SMURF2: variants seen among roughly 807,000 people sequenced by gnomAD.
SMURF2 encodes E3 ubiquitin-protein ligase SMURF2.
In SMURF2, 48 loss-of-function variants were observed where a neutral mutation model predicts 109.6. The ratio of observed to expected loss-of-function variants is 0.44; its 90% CI spans 0.35 to 0.56. SMURF2 has a LOEUF of 0.56. SMURF2 is among the 20% of genes least tolerant of loss of function. The probability of loss-of-function intolerance (pLI) is 0.01; values close to 1 mark genes in which losing one functional copy is unlikely to be tolerated. For synonymous variants in SMURF2, 288 were observed against 317.1 expected (o/e 0.91, Z 0.97); for missense variants, 575 against 909.0 (o/e 0.63, Z 4.72).
At position 64,580,949 on chromosome 17, in the gene SMURF2, G is replaced by A. The variant is rs782309391; in HGVS notation, c.612C>T (p.Cys204=). Residue 204 remains cysteine (C), a synonymous_variant, in exon 8 of 19, where the codon TGC becomes TGT. Coordinates refer to ENST00000262435, the MANE Select transcript of SMURF2 (RefSeq NM_022739.4). ...TAATTGGAGTGTTCTCATCAACAAA[G>A]CAGCTAAGAGGTCTGCCAGGGCTAG... The part of the protein sequence containing the change: ...EYSSPGRPLS[C]FVDENTPISG... 1.9e-6 allele frequency: 3 copies of A among 1,614,098 alleles called. No individual in the cohort carries two copies. The highest frequency in any genetic ancestry group is 1.7e-5 in the Admixed American group (1 of 60,018).
At chr17:64,651,888 C>A (rs1321011787) in intron 1 of SMURF2, among the ~76,000 whole-genome samples, 31 of 152,330 alleles carry the variant, frequency 2.0e-4, no homozygotes, top group African/African-American at 7.2e-4. Flanking sequence ...CACTGCACTG[C>A]AGCCTGGGTG....
intron 1 of SMURF2, chr17:64,660,665 G>A (rs529763332): frequency 2.6e-5 from 4 of 152,262 alleles, no homozygotes; most frequent in African/African-American, 7.2e-5. Context: ...AGTCTAGTGT[G>A]GGCAAACATA....
chr17:64,661,239 GAA>G (rs200383417), intron 1 of SMURF2, among the ~76,000 whole-genome samples: 49 of 152,128 alleles, frequency 3.2e-4, no homozygotes, highest in South Asian at 4.2e-4. Flanking sequence ...AGGCACACCG[GAA>G]AAGTCAACCT....
At chr17:64,614,329 T>C (rs553530799) in intron 1 of SMURF2, among the ~76,000 whole-genome samples, 4 of 152,340 alleles carry the variant, frequency 2.6e-5, no homozygotes, top group African/African-American at 9.6e-5. Context: ...CAAAACATTA[T>C]ACTGGACTAC....
At position 64,566,576 on chromosome 17, in the gene SMURF2, T is replaced by TTTTTTTTTG. The variant is rs1231539627; in HGVS notation, c.1017-3611_1017-3610insCAAAAAAAA. The stretch of plus-strand genomic sequence containing the variant: ...AAGCTTTCTGGTTTTTTTTTTTTTT[T>TTTTTTTTTG]TTTTTTTTTTTTTTTGAGACAGTCT... On this transcript the variant is annotated intron_variant, in intron 10 of 18. Coordinates refer to ENST00000262435, the MANE Select transcript of SMURF2 (RefSeq NM_022739.4). Among the ~76,000 whole-genome samples the TTTTTTTTTG allele has an allele frequency of 1.6e-3, 167 of 105,494 alleles. 15 individuals are homozygous for TTTTTTTTTG. The highest frequency in any genetic ancestry group is 5.3e-3 in the African/African-American group (156 of 29,370). The allele number at this position is 105,494 out of a possible 152,430, so 69.2% of individuals were successfully genotyped here.
At chr17:64,594,192 G>A (rs1292141002) in intron 3 of SMURF2, 2 of 152,162 alleles carry the variant, frequency 1.3e-5, no homozygotes, top group African/African-American at 4.8e-5. Flanking sequence ...ACAGCCAATT[G>A]TTAACATGGC....
At chr17:64,564,851 C>T (rs1477155756) in intron 10 of SMURF2, among the ~76,000 whole-genome samples, 1 of 152,170 alleles carries the variant, frequency 6.6e-6, no homozygotes, top group African/African-American at 2.4e-5. Context: ...TGTTTTAAGC[C>T]ATCCAGTTCG....
intron 10 of SMURF2, among the ~76,000 whole-genome samples, chr17:64,569,327 G>A (rs1209850965): frequency 2.0e-5 from 3 of 150,966 alleles, no homozygotes; most frequent in Admixed American, 1.3e-4. Context: ...ATACACAAAA[G>A]TAAAGTCCAC....
intron 9 of SMURF2, among the ~76,000 whole-genome samples, chr17:64,574,005 A>G (rs1969453754): frequency 6.6e-6 from 1 of 152,212 alleles, no homozygotes; most frequent in African/African-American, 2.4e-5. Context: ...AAGGGAGAGG[A>G]TCAGCAAAAA....
intron 1 of SMURF2, among the ~76,000 whole-genome samples, chr17:64,659,199 T>C (rs1970742620): frequency 6.6e-6 from 1 of 152,098 alleles, no homozygotes; most frequent in South Asian, 2.1e-4. Context: ...ATGTAAGAAA[T>C]GTTTATACCT....
At chr17:64,570,074 A>G (rs1204108862) in intron 10 of SMURF2, among the ~76,000 whole-genome samples, 3 of 152,254 alleles carry the variant, frequency 2.0e-5, no homozygotes, top group Non-Finnish European at 4.4e-5. Flanking sequence ...ATAATTATAC[A>G]TATTTCGAAG....
intron 1 of SMURF2, among the ~76,000 whole-genome samples, chr17:64,626,251 A>G (rs570503462): frequency 6.8e-6 from 1 of 146,080 alleles, no homozygotes; most frequent in South Asian, 2.2e-4. Context: ...AGAGTGAGAC[A>G]CGGTCTCAAA....
chr17:64,566,569 T>TG (rs2144613179), intron 10 of SMURF2, among the ~76,000 whole-genome samples: 1 of 80,000 alleles, frequency 1.3e-5, no homozygotes, highest in African/African-American at 4.2e-5. Context: ...TGGTTTTTTT[T>TG]TTTTTTTTTT....
Position 64,555,801 on chromosome 17 carries a change from T to C in SMURF2, c.1610+19A>G, listed in dbSNP as rs201183570. On this transcript the variant is annotated intron_variant, in intron 14 of 18. Coordinates refer to ENST00000262435, the MANE Select transcript of SMURF2 (RefSeq NM_022739.4). ...AAGCTCAGAGTTTATAATGAAGAGA[T>C]AGAAGACTCAATACATACAGTATCC... The C allele has an allele frequency of 3.5e-5, 53 of 1,526,912 alleles. No homozygotes were observed. The highest frequency in any genetic ancestry group is 4.5e-5 in the Non-Finnish European group (51 of 1,122,746). The allele number at this position is 1,526,912 out of a possible 1,614,324, so 94.6% of individuals were successfully genotyped here.
chr17:64,577,858 G>C (rs1969517687), intron 9 of SMURF2, among the ~76,000 whole-genome samples: 1 of 151,600 alleles, frequency 6.6e-6, no homozygotes, highest in African/African-American at 2.4e-5. Context: ...GCCTCCCAAA[G>C]TGTTGGGAAT....
At chr17:64,599,310 T>A (rs1265264002) in intron 2 of SMURF2, among the ~76,000 whole-genome samples, 1 of 152,226 alleles carries the variant, frequency 6.6e-6, no homozygotes, top group Non-Finnish European at 1.5e-5. Context: ...AACCCATGTC[T>A]GGCTCTCGAC....
At chr17:64,583,143 T>C (rs1227142121) in intron 7 of SMURF2, among the ~76,000 whole-genome samples, 4 of 152,068 alleles carry the variant, frequency 2.6e-5, no homozygotes, top group Non-Finnish European at 1.5e-5. Context: ...CCACATGCCT[T>C]GGCCTCCCAA....
Position 64,563,215 on chromosome 17 carries a change from AG to A in SMURF2, c.1017-250del, listed in dbSNP as rs1345499443. On this transcript the variant is annotated intron_variant, in intron 10 of 18. Coordinates refer to ENST00000262435, the MANE Select transcript of SMURF2 (RefSeq NM_022739.4). ...TCCATAAAGCTTTATACAGCTTCTG[AG>A]GACAAATTTTTCCAATATAGCTTCC... is the stretch of plus-strand genomic sequence containing the variant. 6.5e-5 allele frequency: 19 copies of A among 291,268 alleles called. No homozygotes were observed. In the Admixed American group the frequency reaches 6.5e-4, roughly 10 times the overall value. The allele number at this position is 291,268 out of a possible 1,614,324, so 18.0% of individuals were successfully genotyped here.
rs1355371007 is a variant in SMURF2 at position 64,545,169 on chromosome 17, AATTTGACAACCAAAATTAT to A, written c.*660_*678del. 6.6e-6 allele frequency: 1 copy of A among 152,570 alleles called. No homozygotes were observed. 9.5% of individuals were successfully genotyped at this position (152,570 alleles called of 1,614,324 possible). The stretch of plus-strand genomic sequence containing the variant: ...GTTTAGACTAAATGGTTGCATTAGG[AATTTGACAACCAAAATTAT>A]ATCGCTGTATTCCAGGAAATCCGTT... On this transcript the variant is annotated 3_prime_UTR_variant, in exon 19 of 19. Coordinates refer to ENST00000262435, the MANE Select transcript of SMURF2 (RefSeq NM_022739.4).
Sources: allele counts gnomAD v4.1 joint callset (sites outside exome capture counted in the v4.1 genomes callset), GRCh38; gene constraint gnomAD v4.1.1; transcripts MANE v1.5; gene names NCBI Gene and HGNC (gene_info 2026-07-23, HGNC 2026-07-21).